Variants in DSG1 observed in about 807,000 individuals in gnomAD.
DSG1 encodes desmoglein 1, also known as desmoglein-1.
DSG1 carries 39 observed loss-of-function variants against 97.5 expected under a neutral mutation model. The ratio of observed to expected loss-of-function variants is 0.40; its 90% CI spans 0.31 to 0.52. DSG1 has a LOEUF of 0.52. DSG1 is among the 20% of genes least tolerant of loss of function. DSG1 has a pLI of 0.53. For missense variants in DSG1, 1,311 were observed against 1,295.4 expected (o/e 1.01, Z -0.18); for synonymous variants, 475 against 443.4 (o/e 1.07, Z -0.90).
chr18:31,336,251 A>G (rs982475512), intron 8 of DSG1, 103 bp from the exon 9 acceptor site: 2 of 1,009,662 alleles, frequency 2.0e-6, no homozygotes, highest in Admixed American at 2.6e-5. Flanking sequence ...TGTGTTTCAT[A>G]AAAGAAAGAT....
chr18:31,344,093 A>G (rs1039202302), intron 13 of DSG1, 98 bp downstream of exon 13: 11 of 920,254 alleles, frequency 1.2e-5, no homozygotes, highest in South Asian at 1.5e-5. Flanking sequence ...TTTTTCTTCA[A>G]AAGTGTTTAT....
In DSG1 at chr18:31,354,753, G is replaced by A. The variant is rs77149443; in HGVS notation, c.2557G>A (p.Val853Ile). 4.3e-4 allele frequency: 691 copies of A among 1,614,132 alleles called. No homozygotes were observed. In the African/African-American group the frequency reaches 8.0e-3, roughly 19 times the overall value. ...TGACACTCTGAAGCCCTCTGTGCAC[G>A]TTCACGATAACCGACCAGCATCAAA... is the stretch of plus-strand genomic sequence containing the variant. ...TSDTLKPSVH[V>I]HDNRPASNVV... The change falls in exon 15 of 15, where the codon GTT becomes ATT. Residue 853 changes from valine (V) to isoleucine (I), a missense_variant. Coordinates refer to ENST00000257192, the MANE Select transcript of DSG1 (RefSeq NM_001942.4).
chr18:31,335,650 T>C (rs1306208755), intron 8 of DSG1, among the ~76,000 whole-genome samples: 2 of 151,750 alleles, frequency 1.3e-5, no homozygotes, highest in African/African-American at 4.8e-5. Flanking sequence ...TGCGTGAAAT[T>C]CTATTTTTAT....
Position 31,339,939 on chromosome 18 carries a change from A to G in DSG1, c.1601A>G (p.Asn534Ser), listed in dbSNP as rs764022998. 6 of 1,614,082 alleles carry G rather than the reference A, an allele frequency of 3.7e-6. No individual in the cohort carries two copies. The highest frequency in any genetic ancestry group is 4.2e-6 in the Non-Finnish European group (5 of 1,179,986). The change falls in exon 11 of 15, where the codon AAC becomes AGC. Residue 534 changes from asparagine (N) to serine (S), a missense_variant. By Grantham distance (46) the Asn-to-Ser change is conservative (BLOSUM62 1). This residue lies in a region of DSG1 where 1,038 missense variants were observed against 964.6 expected (regional missense o/e 1.08). Coordinates refer to ENST00000257192, the MANE Select transcript of DSG1 (RefSeq NM_001942.4). Reference sequence around the variant, plus strand: ...CAAGTATATTCTTCTGAACCCGGAAACGGAGCCAAAGATTTGTTATCAGAC... The same window carrying G: ...CAAGTATATTCTTCTGAACCCGGAAGCGGAGCCAAAGATTTGTTATCAGAC... Reference protein sequence around the residue: ...SSQVYSSEPGNGAKDLLSDNV... With the variant: ...SSQVYSSEPGSGAKDLLSDNV...
chr18:31,331,943 G>C, intron 6 of DSG1, 76 bp downstream of exon 6: 8 of 1,410,270 alleles, frequency 5.7e-6, no homozygotes, highest in Non-Finnish European at 7.9e-6. Context: ...AAGAGACAAA[G>C]AGATGAAGAA....
At chr18:31,337,562 GT>G (rs2071763617) in intron 9 of DSG1, among the ~76,000 whole-genome samples, 1 of 152,112 alleles carries the variant, frequency 6.6e-6, no homozygotes, top group Admixed American at 6.6e-5. Context: ...CCACCCATGT[GT>G]TTTATAAGTT....
chr18:31,345,799 A>G (rs919515093), intron 13 of DSG1, among the ~76,000 whole-genome samples, 191 bp from the exon 14 acceptor site: 1 of 152,298 alleles, frequency 6.6e-6, no homozygotes, highest in African/African-American at 2.4e-5. Flanking sequence ...TAATTATCAA[A>G]TTAACAAATT....
intron 1 of DSG1, among the ~76,000 whole-genome samples, chr18:31,324,821 T>C (rs2071676166): frequency 6.6e-6 from 1 of 152,190 alleles, no homozygotes; most frequent in African/African-American, 2.4e-5. Flanking sequence ...TTCCCACTAG[T>C]CCTACCAACT....
At position 31,345,979 on chromosome 18, in the gene DSG1, A is replaced by G; in HGVS notation, c.1892-11A>G. 6.2e-7 allele frequency: 1 copy of G among 1,609,648 alleles called. No homozygotes were observed. The highest frequency in any genetic ancestry group is 8.5e-7 in the Non-Finnish European group (1 of 1,176,398). ...TAAAGAAAATAAATTTAATTTGATC[A>G]ACACTTTTAGGAGTTTATACAAATG... is the stretch of plus-strand genomic sequence containing the variant. On this transcript the variant is annotated splice_polypyrimidine_tract_variant and intron_variant, in intron 13 of 14. Transcript: ENST00000257192.
chr18:31,355,679 C>T lies in DSG1; in HGVS notation c.*333C>T, dbSNP rs1252169429. The T allele has an allele frequency of 6.4e-6, 2 of 314,000 alleles. No homozygotes were observed. Among genetic ancestry groups the T allele is most frequent in the East Asian group, 1.3e-4 (2 of 15,592 alleles). The allele number at this position is 314,000 out of a possible 1,614,324, so 19.5% of individuals were successfully genotyped here. A position where few individuals can be genotyped will look rare whatever the true frequency, so the allele number is the denominator to read the frequency against. On this transcript the variant is annotated 3_prime_UTR_variant, in exon 15 of 15. Transcript: ENST00000257192. ...TTCTCCTTGCTCTGTTTTGCTTTTC[C>T]ATATAGCTCGAGCAAAATTCAAAAA...
At chr18:31,322,351 A>C (rs189414785) in intron 1 of DSG1, among the ~76,000 whole-genome samples, 22 of 152,362 alleles carry the variant, frequency 1.4e-4, no homozygotes, top group Non-Finnish European at 2.1e-4. Flanking sequence ...CCAAAAAATT[A>C]TCACGCTATT....
chr18:31,348,294 G>T (rs2071860363), intron 14 of DSG1, among the ~76,000 whole-genome samples: 1 of 151,314 alleles, frequency 6.6e-6, no homozygotes, highest in Non-Finnish European at 1.5e-5. Flanking sequence ...CAAAGGACAT[G>T]AACTCATCAT....
At position 31,334,019 on chromosome 18, in the gene DSG1, T is replaced by C. The variant is rs771202624; in HGVS notation, c.822T>C (p.Tyr274=). The change falls in exon 8 of 15, where the codon TAT becomes TAC. Residue 274 remains tyrosine, a splice_region_variant and synonymous_variant. Coordinates refer to ENST00000257192, the MANE Select transcript of DSG1 (RefSeq NM_001942.4). ...DNIPYMEQSS[Y]TIEIQENTLN... is the part of the protein sequence containing the mutation. ...AGAGTTTTCACTTCTTGTTTCAGTA[T>C]ACCATAGAAATTCAAGAAAATACTC... is the stretch of plus-strand genomic sequence containing the variant. The C allele has an allele frequency of 6.3e-7, 1 of 1,597,830 alleles. No individual in the cohort carries two copies.
In DSG1 at chr18:31,346,339, T is replaced by C. The variant is rs1417013264; in HGVS notation, c.2100+141T>C. On this transcript the variant is annotated intron_variant, in intron 14 of 14. Transcript: ENST00000257192. ...TTTAGTTTTTGTGCCCAACAATCCA[T>C]GCTGTTAATGAATTATATATCTAAA... The C allele has an allele frequency of 5.3e-6, 4 of 754,436 alleles. No individual in the cohort carries two copies. The East Asian group carries it at 8.0e-5, about 15-fold the overall frequency. 46.7% of individuals were successfully genotyped at this position (754,436 alleles called of 1,614,324 possible).
At position 31,346,367 on chromosome 18, in the gene DSG1, T is replaced by G. The variant is rs550320467; in HGVS notation, c.2100+169T>G. On this transcript the variant is annotated intron_variant, in intron 14 of 14. Coordinates refer to ENST00000257192, the MANE Select transcript of DSG1 (RefSeq NM_001942.4). ...TGTTAATGAATTATATATCTAAAGC[T>G]CTGACCTGAGCACTTTACTCCCCAA... 7.2e-5 allele frequency among the ~76,000 whole-genome samples: 11 copies of G among 152,294 alleles called. No homozygotes were observed. The South Asian group carries it at 2.3e-3, about 32-fold the overall frequency.
rs774143873 is a variant in DSG1 at position 31,354,445 on chromosome 18, C to A, written c.2249C>A (p.Thr750Asn). The change falls in exon 15 of 15, where the codon ACC (threonine) becomes AAC (asparagine). Residue 750 changes from threonine to asparagine, a missense_variant. Transcript: ENST00000257192. ...GACCTGGATGACAGCTTCTTGGATA[C>A]CCTGGGACCTAAATTTAAGAAGTTG... ...GEDLDDSFLD[T>N]LGPKFKKLAD... 3.1e-6 allele frequency: 5 copies of A among 1,613,984 alleles called. No homozygotes were observed. In the South Asian group the frequency reaches 3.3e-5, roughly 11 times the overall value.
Position 31,354,772 on chromosome 18 carries a change from C to T in DSG1, c.2576C>T (p.Ala859Val), listed in dbSNP as rs769287235. 3 of 1,614,178 alleles carry T rather than the reference C, an allele frequency of 1.9e-6. No individual in the cohort carries two copies. The highest frequency in any genetic ancestry group is 4.5e-5 in the East Asian group (2 of 44,876). Residue 859 changes from alanine to valine, a missense_variant, in exon 15 of 15, where the codon GCA becomes GTA. By Grantham distance (64) the Ala-to-Val change is moderately conservative. This residue lies in a region of DSG1 where 1,038 missense variants were observed against 964.6 expected (regional missense o/e 1.08). Transcript: ENST00000257192. ...GTGCACGTTCACGATAACCGACCAG[C>T]ATCAAACGTGGTAGTGACAGAGAGA... ...PSVHVHDNRP[A>V]SNVVVTERVV...
In DSG1 at chr18:31,354,652, G is replaced by C. The variant is rs760353298; in HGVS notation, c.2456G>C (p.Gly819Ala). 1 of 1,614,016 alleles carries C rather than the reference G, an allele frequency of 6.2e-7. No homozygotes were observed. Residue 819 changes from glycine to alanine, a missense_variant, in exon 15 of 15, where the codon GGT becomes GCT. Physicochemically the swap from Gly to Ala is moderately conservative, Grantham distance 60. Around this residue, in one of 3 missense-constraint regions of DSG1, gnomAD observed 1,038 missense variants for 964.6 expected, o/e 1.08. Coordinates refer to ENST00000257192, the MANE Select transcript of DSG1 (RefSeq NM_001942.4). The stretch of plus-strand genomic sequence containing the variant: ...GAGAGCACCTATCCCTCGGGACCTG[G>C]TGTACTGCATCCTAAGCCTATTCTC... ...ISESTYPSGP[G>A]VLHPKPILDP...
Position 31,333,586 on chromosome 18 carries a change from T to A in DSG1, c.685-3T>A, listed in dbSNP as rs751417742. 9 of 1,613,800 alleles carry A rather than the reference T, an allele frequency of 5.6e-6. No homozygotes were observed. In the South Asian group the frequency reaches 9.9e-5, roughly 18 times the overall value. ...TGATATTGCCTGTAATATGTATTTT[T>A]AGCAATACGGCCAGTATGCTCTTGC... On this transcript the variant is annotated splice_polypyrimidine_tract_variant and splice_region_variant and intron_variant, in intron 6 of 14. Transcript: ENST00000257192.
Sources: gnomAD v4.1 joint callset for allele counts (sites outside exome capture counted in the v4.1 genomes callset) on GRCh38, gnomAD v4.1.1 for gene constraint, gnomAD v4.1.1 regional missense constraint, MANE v1.5 for transcripts, NCBI Gene and HGNC (gene_info 2026-07-23, HGNC 2026-07-21) for gene names.